CCDC178: variants seen among roughly 807,000 people sequenced by gnomAD.
CCDC178 encodes coiled-coil domain containing 178.
A neutral mutation model predicts 117.4 loss-of-function variants in CCDC178; 126 were observed. The observed-to-expected ratio is 1.07, with a 90% CI of 0.93 to 1.24. CCDC178 has a LOEUF of 1.24. Ranked by LOEUF, CCDC178 falls within the 50% of genes most tolerant of loss-of-function variation. CCDC178 has a pLI of 0.00. For missense variants in CCDC178, 1,030 were observed against 986.9 expected (o/e 1.04, Z -0.59); for synonymous variants, 283 against 313.4 (o/e 0.90, Z 1.02).
Position 33,439,987 on chromosome 18 carries a change from A to G in CCDC178, c.-48T>C, listed in dbSNP as rs951187436. ...CTGTAAAGGGGAGGTGTTGGCGTGGATCATCTTATTTGGGGTGCTTTCGAG... is the reference window on the plus strand; with the variant it reads ...CTGTAAAGGGGAGGTGTTGGCGTGGGTCATCTTATTTGGGGTGCTTTCGAG... On this transcript the variant is annotated 5_prime_UTR_variant, in exon 2 of 23. Coordinates refer to ENST00000383096, the MANE Select transcript of CCDC178 (RefSeq NM_001105528.4). 6.6e-6 allele frequency: 1 copy of G among 152,158 alleles called. No homozygotes were observed. The highest frequency in any genetic ancestry group is 1.5e-5 in the Non-Finnish European group (1 of 68,028). The allele number at this position is 152,158 out of a possible 1,614,324, so 9.4% of individuals were successfully genotyped here. A position where few individuals can be genotyped will look rare whatever the true frequency, so the allele number is the denominator to read the frequency against.
In CCDC178 at chr18:33,371,825, A is replaced by G. The variant is rs544901053; in HGVS notation, c.209-1636T>C. Among the ~76,000 whole-genome samples the G allele has an allele frequency of 2.6e-5, 4 of 151,740 alleles. No homozygotes were observed. The East Asian group carries it at 5.8e-4, about 22-fold the overall frequency. On this transcript the variant is annotated intron_variant, in intron 5 of 22. Transcript: ENST00000383096. ...CACACACACACACACACACATATGT[A>G]ATAGTCAAAAGACCAAAAGAACAAT...
intron 21 of CCDC178, among the ~76,000 whole-genome samples, chr18:33,005,437 T>A (rs925813071): frequency 1.3e-5 from 2 of 151,858 alleles, no homozygotes; most frequent in Non-Finnish European, 2.9e-5. Flanking sequence ...GAAATAGAGA[T>A]CAGAATGATG....
chr18:32,980,998 G>A (rs2055143844), intron 21 of CCDC178, among the ~76,000 whole-genome samples: 2 of 152,152 alleles, frequency 1.3e-5, no homozygotes, highest in Admixed American at 1.3e-4. Context: ...TGTCTTTGAA[G>A]TAATGAAAAA....
chr18:33,420,492 G>A (rs2064009535), intron 2 of CCDC178, among the ~76,000 whole-genome samples: 1 of 152,074 alleles, frequency 6.6e-6, no homozygotes, highest in African/African-American at 2.4e-5. Flanking sequence ...TAACTCGGAT[G>A]ACAGCCATGC....
intron 21 of CCDC178, among the ~76,000 whole-genome samples, chr18:33,087,239 A>G (rs945093917): frequency 2.6e-5 from 4 of 152,194 alleles, no homozygotes; most frequent in African/African-American, 9.7e-5. Context: ...CTGGTATTGG[A>G]CTGAATAATT....
intron 20 of CCDC178, among the ~76,000 whole-genome samples, chr18:33,203,064 G>A (rs1052704044): frequency 1.1e-4 from 17 of 151,976 alleles, no homozygotes; most frequent in Admixed American, 2.6e-4. Flanking sequence ...TTTCCAATGC[G>A]GCTATTGTAA....
At chr18:32,963,588 G>A (rs1173856378) in intron 22 of CCDC178, among the ~76,000 whole-genome samples, 2 of 151,726 alleles carry the variant, frequency 1.3e-5, no homozygotes, top group Non-Finnish European at 2.9e-5. Context: ...TACTGTTTTT[G>A]TTCTCATATA....
intron 20 of CCDC178, among the ~76,000 whole-genome samples, chr18:33,181,944 A>C (rs1231845981): frequency 6.6e-6 from 1 of 151,940 alleles, no homozygotes; most frequent in Admixed American, 6.6e-5. Flanking sequence ...CATACCGTGT[A>C]ATAAGGGAAC....
At chr18:33,194,481 T>C (rs1598985767) in intron 20 of CCDC178, among the ~76,000 whole-genome samples, 1 of 152,118 alleles carries the variant, frequency 6.6e-6, no homozygotes, top group Non-Finnish European at 1.5e-5. Context: ...TTAACTTCAA[T>C]TAACTCCTGA....
chr18:32,963,126 C>G (rs1445095046), intron 22 of CCDC178, among the ~76,000 whole-genome samples: 1 of 151,984 alleles, frequency 6.6e-6, no homozygotes, highest in Non-Finnish European at 1.5e-5. Flanking sequence ...GCCAAATTGC[C>G]TAGGTTTATG....
At chr18:33,236,346 C>A (rs1042355135) in intron 15 of CCDC178, among the ~76,000 whole-genome samples, 1 of 152,060 alleles carries the variant, frequency 6.6e-6, no homozygotes, top group Non-Finnish European at 1.5e-5. Flanking sequence ...TTACTATAAA[C>A]CTGAATTATC....
At chr18:33,253,169 T>A (rs2059636580) in intron 14 of CCDC178, among the ~76,000 whole-genome samples, 2 of 151,820 alleles carry the variant, frequency 1.3e-5, no homozygotes, top group Non-Finnish European at 2.9e-5. Flanking sequence ...TAAACAATCA[T>A]ATCATCATCG....
intron 22 of CCDC178, among the ~76,000 whole-genome samples, chr18:32,952,861 C>T (rs978699484): frequency 6.6e-6 from 1 of 151,292 alleles, no homozygotes; most frequent in African/African-American, 2.4e-5. Context: ...GCAAGCTCCG[C>T]CTCCTGGGTT....
chr18:33,358,564 T>C (rs2063088224), intron 6 of CCDC178, among the ~76,000 whole-genome samples: 2 of 151,830 alleles, frequency 1.3e-5, no homozygotes, highest in South Asian at 4.1e-4. Context: ...ATAAAATCAA[T>C]GTGGAAAAAA....
intron 21 of CCDC178, among the ~76,000 whole-genome samples, chr18:32,999,935 T>C (rs1290869032): frequency 1.3e-5 from 2 of 152,188 alleles, no homozygotes; most frequent in Admixed American, 6.5e-5. Context: ...AACTCTGCAA[T>C]GTCTAGGTAC....
chr18:33,401,077 A>G (rs2063703620), intron 3 of CCDC178, among the ~76,000 whole-genome samples: 1 of 152,180 alleles, frequency 6.6e-6, no homozygotes, highest in Admixed American at 6.5e-5. Context: ...CACATGCAAC[A>G]TTGATCGATT....
At chr18:33,343,816 G>A (rs950600427) in intron 9 of CCDC178, among the ~76,000 whole-genome samples, 2 of 152,030 alleles carry the variant, frequency 1.3e-5, no homozygotes, top group East Asian at 3.8e-4. Context: ...GTTTGTTAAG[G>A]AGATTACAAT....
chr18:32,991,930 A>C (rs1195269925), intron 21 of CCDC178, among the ~76,000 whole-genome samples: 1 of 152,230 alleles, frequency 6.6e-6, no homozygotes, highest in Non-Finnish European at 1.5e-5. Flanking sequence ...CTAATGATAG[A>C]AATTTTAGAT....
At chr18:33,290,730 C>T (rs1247674552) in intron 12 of CCDC178, among the ~76,000 whole-genome samples, 1 of 151,874 alleles carries the variant, frequency 6.6e-6, no homozygotes, top group African/African-American at 2.4e-5. Context: ...CGTGACGTAG[C>T]CATGGAGTGT....
Sources: gnomAD v4.1 joint callset for allele counts (sites outside exome capture counted in the v4.1 genomes callset) on GRCh38, gnomAD v4.1.1 for gene constraint, MANE v1.5 for transcripts, NCBI Gene and HGNC (gene_info 2026-07-23, HGNC 2026-07-21) for gene names.